Variants in THRB observed in about 807,000 individuals in gnomAD.
THRB encodes the protein thyroid hormone receptor beta.
THRB carries 12 observed loss-of-function variants against 47.8 expected under a neutral mutation model. That is an observed-to-expected ratio of 0.25 (90% CI 0.16 to 0.41). The LOEUF is 0.41. Ranked by LOEUF, THRB falls within the 10% of genes least tolerant of loss-of-function variation. THRB has a pLI of 1.00. For missense variants in THRB, 348 were observed against 589.2 expected, an observed-to-expected ratio of 0.59 and a Z score of 4.24; for synonymous variants, 218 against 212.2, an observed-to-expected ratio of 1.03 and a Z score of -0.24.
intron 1 of THRB, among the ~76,000 whole-genome samples, chr3:24,353,559 C>G (rs970457152): frequency 6.6e-6 from 1 of 152,080 alleles, no homozygotes; most frequent in Non-Finnish European, 1.5e-5. Context: ...TTGTCACTTT[C>G]CTGAACTGTG....
chr3:24,464,099 A>C (rs1228679763), intron 1 of THRB, among the ~76,000 whole-genome samples: 1 of 152,136 alleles, frequency 6.6e-6, no homozygotes, highest in African/African-American at 2.4e-5. Flanking sequence ...ACAAAAAATT[A>C]GCCGGGCGAG....
At chr3:24,479,094 C>A (rs574031805) in intron 1 of THRB, among the ~76,000 whole-genome samples, 7 of 151,970 alleles carry the variant, frequency 4.6e-5, no homozygotes, top group African/African-American at 1.7e-4. Flanking sequence ...GTCAGGAGAT[C>A]GAGACCATCC....
At chr3:24,333,326 A>C (rs1176049242) in intron 2 of THRB, among the ~76,000 whole-genome samples, 1 of 152,256 alleles carries the variant, frequency 6.6e-6, no homozygotes, top group Non-Finnish European at 1.5e-5. Context: ...CCAAGGAAGA[A>C]GAAAAGCAAG....
intron 5 of THRB, 21 bp downstream of exon 5, chr3:24,190,053 G>C (rs2043137817): frequency 6.2e-7 from 1 of 1,612,564 alleles, no homozygotes. Flanking sequence ...CATGATAATG[G>C]GCTAATAAAA....
At chr3:24,379,612 A>C (rs1337606399) in intron 1 of THRB, among the ~76,000 whole-genome samples, 1 of 115,104 alleles carries the variant, frequency 8.7e-6, no homozygotes, top group Middle Eastern at 3.4e-3. Flanking sequence ...ACAAGTCCCT[A>C]AAATTGAGAA....
chr3:24,372,632 A>C (rs547214294), intron 1 of THRB, among the ~76,000 whole-genome samples: 1 of 152,176 alleles, frequency 6.6e-6, no homozygotes, highest in Admixed American at 6.5e-5. Flanking sequence ...TCAACAGCTC[A>C]TTTCAGTCAA....
At chr3:24,252,820 C>T (rs952737931) in intron 3 of THRB, among the ~76,000 whole-genome samples, 3 of 151,854 alleles carry the variant, frequency 2.0e-5, no homozygotes, top group Non-Finnish European at 2.9e-5. Flanking sequence ...GCAGTGTACA[C>T]GGTATGTGAC....
chr3:24,204,050 C>T (rs1353288140), intron 4 of THRB, among the ~76,000 whole-genome samples: 2 of 152,276 alleles, frequency 1.3e-5, no homozygotes, highest in African/African-American at 4.8e-5. Context: ...TCAAGGAGGC[C>T]TGCCTGCCTC....
In THRB at chr3:24,432,469, A is replaced by C. The variant is rs545512828; in HGVS notation, c.-261+62183T>G. ...TCTAGTTAAGAGAGGGGAACCTCTC[A>C]CCATATTCAGCACTAAAGCTATATC... is the stretch of plus-strand genomic sequence containing the variant. On this transcript the variant is annotated intron_variant, in intron 1 of 10. Coordinates refer to ENST00000646209, the MANE Select transcript of THRB (RefSeq NM_001354712.2). Among the ~76,000 whole-genome samples the C allele has an allele frequency of 5.3e-5, 8 of 152,262 alleles. 1 individual carries two copies. In the South Asian group the frequency reaches 1.7e-3, roughly 32 times the overall value.
At position 24,250,819 on chromosome 3, in the gene THRB, T is replaced by C. The variant is rs62253728; in HGVS notation, c.-42-21818A>G. Among the ~76,000 whole-genome samples, 199 of 152,278 alleles carry C rather than the reference T, an allele frequency of 1.3e-3. 1 individual carries two copies. The highest frequency in any genetic ancestry group is 2.6e-3 in the Non-Finnish European group (177 of 68,006). Reference sequence around the variant, plus strand: ...TACATTCCTTCAAAGATTAAGTAGATATAAAATAAGAAAGAATACCAGAAT... The same window carrying C: ...TACATTCCTTCAAAGATTAAGTAGACATAAAATAAGAAAGAATACCAGAAT... On this transcript the variant is annotated intron_variant, in intron 3 of 10. Transcript: ENST00000646209.
At chr3:24,421,803 A>G (rs1195671329) in intron 1 of THRB, among the ~76,000 whole-genome samples, 1 of 151,916 alleles carries the variant, frequency 6.6e-6, no homozygotes, top group African/African-American at 2.4e-5. Context: ...TGTAGTGGCA[A>G]TTTGTTTTCT....
At chr3:24,422,584 G>T (rs1159935392) in intron 1 of THRB, among the ~76,000 whole-genome samples, 5 of 151,786 alleles carry the variant, frequency 3.3e-5, no homozygotes, top group African/African-American at 1.2e-4. Context: ...TCCATTTCTG[G>T]CAAAATGGGA....
chr3:24,469,600 G>T (rs990451810), intron 1 of THRB, among the ~76,000 whole-genome samples: 1 of 152,166 alleles, frequency 6.6e-6, no homozygotes, highest in Non-Finnish European at 1.5e-5. Context: ...CTATGAAAAT[G>T]ATTATTACTG....
At chr3:24,299,268 A>AG (rs2056722178) in intron 2 of THRB, among the ~76,000 whole-genome samples, 1 of 151,004 alleles carries the variant, frequency 6.6e-6, no homozygotes, top group Admixed American at 6.6e-5. Flanking sequence ...AAAAAAAAAA[A>AG]AAAAAGAAAA....
chr3:24,264,226 G>T (rs988220575), intron 3 of THRB, among the ~76,000 whole-genome samples: 4 of 151,930 alleles, frequency 2.6e-5, no homozygotes, highest in Non-Finnish European at 4.4e-5. Context: ...CAGGACCTTT[G>T]AACATGAGCT....
intron 3 of THRB, among the ~76,000 whole-genome samples, chr3:24,248,387 T>G (rs919103488): frequency 6.6e-6 from 1 of 152,162 alleles, no homozygotes; most frequent in African/African-American, 2.4e-5. Flanking sequence ...ATTTAGGACA[T>G]CAGTAGTTGT....
chr3:24,437,032 G>A (rs1450903806), intron 1 of THRB, among the ~76,000 whole-genome samples: 3 of 150,656 alleles, frequency 2.0e-5, no homozygotes, highest in Non-Finnish European at 4.4e-5. Flanking sequence ...CATGGACCTG[G>A]CACTTTTCTC....
intron 1 of THRB, among the ~76,000 whole-genome samples, chr3:24,472,595 TC>T (rs1694868924): frequency 6.6e-6 from 1 of 152,220 alleles, no homozygotes; most frequent in Non-Finnish European, 1.5e-5. Flanking sequence ...AGGTGATTCA[TC>T]TCTGTGTGGA....
At chr3:24,194,923 G>T (rs575788287) in intron 4 of THRB, among the ~76,000 whole-genome samples, 1 of 152,190 alleles carries the variant, frequency 6.6e-6, no homozygotes, top group African/African-American at 2.4e-5. Context: ...GGCACTCATT[G>T]CAAGAGTTTA....
Sources: gnomAD v4.1 joint callset for allele counts (sites outside exome capture counted in the v4.1 genomes callset) on GRCh38, gnomAD v4.1.1 for gene constraint, MANE v1.5 for transcripts, NCBI Gene and HGNC (gene_info 2026-07-23, HGNC 2026-07-21) for gene names.